ASH1L: variants seen among roughly 807,000 people sequenced by gnomAD.
ASH1L encodes the protein ASH1 like histone lysine methyltransferase.
Under a neutral mutation model 269.0 loss-of-function variants are expected in ASH1L, and 23 were observed. That is an observed-to-expected ratio of 0.09 (90% CI 0.06 to 0.12). ASH1L has a LOEUF of 0.12. ASH1L is among the 10% of genes least tolerant of loss of function. The pLI is 1.00. For synonymous variants in ASH1L, 1,187 were observed against 1,253.5 expected, an observed-to-expected ratio of 0.95 and a Z score of 1.12; for missense variants, 2,912 against 3,567.8, an observed-to-expected ratio of 0.82 and a Z score of 4.68.
chr1:155,476,881 GAAT>G (rs1027099480), intron 3 of ASH1L, among the ~76,000 whole-genome samples: 5 of 151,738 alleles, frequency 3.3e-5, no homozygotes, highest in East Asian at 3.9e-4. Context: ...TCTTTTAGGG[GAAT>G]AATAATAATA....
chr1:155,354,340 G>A, intron 16 of ASH1L, 133 bp downstream of exon 16: 1 of 742,240 alleles, frequency 1.3e-6, no homozygotes, highest in Non-Finnish European at 2.1e-6. Context: ...CTACTCAGGA[G>A]GCTGAGGCAG....
At chr1:155,398,970 C>T (rs1658600826) in intron 6 of ASH1L, among the ~76,000 whole-genome samples, 3 of 152,062 alleles carry the variant, frequency 2.0e-5, no homozygotes, top group Non-Finnish European at 2.9e-5. Context: ...TGGGCTCAAG[C>T]GACTTGCCTG....
chr1:155,475,263 A>T (rs546203570), intron 3 of ASH1L, among the ~76,000 whole-genome samples: 3 of 152,070 alleles, frequency 2.0e-5, no homozygotes, highest in Non-Finnish European at 4.4e-5. Flanking sequence ...CAGCCTCCCA[A>T]GTAGCTGGGA....
chr1:155,476,930 C>G (rs1257543078), intron 3 of ASH1L, among the ~76,000 whole-genome samples: 24 of 151,944 alleles, frequency 1.6e-4, no homozygotes, highest in Admixed American at 1.3e-3. Flanking sequence ...GATTACTTTT[C>G]ATAATACCCC....
At chr1:155,527,477 G>GAATTTGGC (rs1669339277) in intron 1 of ASH1L, among the ~76,000 whole-genome samples, 1 of 148,478 alleles carries the variant, frequency 6.7e-6, no homozygotes, top group African/African-American at 2.5e-5. Flanking sequence ...CCTATCAACA[G>GAATTTGGC]AATTTGGCAC....
At chr1:155,338,015 AATTACAATTTTTT>A in intron 27 of ASH1L, 61 bp downstream of exon 27, 1 of 1,438,846 alleles carries the variant, frequency 7.0e-7, no homozygotes, top group Non-Finnish European at 9.5e-7. Context: ...CTGAACCAGT[AATTACAATTTTTT>A]TCCATTCCCT....
chr1:155,517,887 G>A (rs1305014558), intron 2 of ASH1L, among the ~76,000 whole-genome samples: 14 of 121,096 alleles, frequency 1.2e-4, no homozygotes, highest in Non-Finnish European at 1.8e-4. Flanking sequence ...TGCAAGCTCC[G>A]CCTCCCGGGT....
In ASH1L at chr1:155,433,132, A is replaced by G. The variant is rs1304158726; in HGVS notation, c.5828+5195T>C. On this transcript the variant is annotated intron_variant, in intron 5 of 27. Transcript: ENST00000392403. ...TAGACTGATAGAAAGGAATATAAAA[A>G]TATTTGACATTTCACCAGGCCCCCA... is the stretch of plus-strand genomic sequence containing the variant. The G allele has an allele frequency of 1.3e-5, 18 of 1,431,038 alleles. No individual in the cohort carries two copies. In the Admixed American group the frequency reaches 2.6e-4, roughly 21 times the overall value. The allele number at this position is 1,431,038 out of a possible 1,614,324, so 88.6% of individuals were successfully genotyped here.
chr1:155,479,789 G>C lies in ASH1L; in HGVS notation c.3081C>G (p.Ala1027=). Residue 1027 remains alanine (A), a synonymous_variant, in exon 3 of 28, where the codon GCC becomes GCG. Transcript: ENST00000392403. The part of the protein sequence containing the change: ...KLHNTVSSLA[A]TFGSKLGQQI... Reference sequence around the variant, plus strand: ...GTTGGCCCAATTTAGAGCCAAATGTGGCAGCAAGACTTGATACCGTATTAT... The same window carrying C: ...GTTGGCCCAATTTAGAGCCAAATGTCGCAGCAAGACTTGATACCGTATTAT... The C allele has an allele frequency of 6.2e-7, 1 of 1,614,110 alleles. No individual in the cohort carries two copies. The highest frequency in any genetic ancestry group is 8.5e-7 in the Non-Finnish European group (1 of 1,180,002).
At chr1:155,389,249 C>T (rs924432579) in intron 7 of ASH1L, among the ~76,000 whole-genome samples, 7 of 151,910 alleles carry the variant, frequency 4.6e-5, no homozygotes, top group Non-Finnish European at 7.4e-5. Flanking sequence ...CTGCCTGCCT[C>T]GGCCTCCCAA....
chr1:155,413,555 C>T (rs1172464370), intron 6 of ASH1L, among the ~76,000 whole-genome samples: 2 of 152,106 alleles, frequency 1.3e-5, no homozygotes, highest in Admixed American at 1.3e-4. Flanking sequence ...TGCAGTGAGC[C>T]GAGATCGTGC....
intron 1 of ASH1L, among the ~76,000 whole-genome samples, chr1:155,556,779 T>C (rs1671624726): frequency 1.3e-5 from 2 of 152,042 alleles, no homozygotes; most frequent in Admixed American, 6.6e-5. Flanking sequence ...CCAGGTGTGG[T>C]AGCTCATGCC....
intron 2 of ASH1L, among the ~76,000 whole-genome samples, chr1:155,518,226 T>C (rs900920050): frequency 6.6e-6 from 1 of 152,094 alleles, no homozygotes; most frequent in African/African-American, 2.4e-5. Flanking sequence ...TTAAACCATA[T>C]ACAAAACTTA....
chr1:155,433,213 C>T, intron 5 of ASH1L: 1 of 1,548,718 alleles, frequency 6.5e-7, no homozygotes, highest in Non-Finnish European at 8.7e-7. Flanking sequence ...TGCCTGCCTT[C>T]TTGCCCCCTC....
chr1:155,358,069 C>G (rs983311541), intron 13 of ASH1L, among the ~76,000 whole-genome samples: 1 of 152,070 alleles, frequency 6.6e-6, no homozygotes, highest in African/African-American at 2.4e-5. Context: ...CTGTGACCAG[C>G]TGAGAATAAT....
intron 5 of ASH1L, chr1:155,433,251 G>T (rs1405110748): frequency 1.3e-6 from 2 of 1,553,124 alleles, no homozygotes; most frequent in Non-Finnish European, 1.7e-6. Context: ...GGGCCAGGGG[G>T]GCCGGAGCCG....
At chr1:155,461,206 A>G (rs1664275202) in intron 3 of ASH1L, among the ~76,000 whole-genome samples, 1 of 152,258 alleles carries the variant, frequency 6.6e-6, no homozygotes, top group Admixed American at 6.5e-5. Context: ...TAGGGTCAGA[A>G]GAACTGAATG....
Position 155,347,642 on chromosome 1 carries a change from T to C in ASH1L, c.7803+14A>G. 1 of 1,613,130 alleles carries C rather than the reference T, an allele frequency of 6.2e-7. No homozygotes were observed. Among genetic ancestry groups the C allele is most frequent in the Non-Finnish European group, 8.5e-7 (1 of 1,179,698 alleles). On this transcript the variant is annotated intron_variant, in intron 20 of 27. Transcript: ENST00000392403. ...CATCAGGACCAAGCTTCTGCTTCAT[T>C]TCCTGACCCTCACCATGCACTTGTC...
chr1:155,554,780 G>C (rs1340664251), intron 1 of ASH1L, among the ~76,000 whole-genome samples: 1 of 152,118 alleles, frequency 6.6e-6, no homozygotes, highest in Non-Finnish European at 1.5e-5. Context: ...GGAAGCACTG[G>C]AAAAATGTTA....
Sources: gnomAD v4.1 joint callset for allele counts (sites outside exome capture counted in the v4.1 genomes callset) on GRCh38, gnomAD v4.1.1 for gene constraint, MANE v1.5 for transcripts, NCBI Gene and HGNC (gene_info 2026-07-23, HGNC 2026-07-21) for gene names.